The following EXOC4 variants were observed in gnomAD, a reference collection of about 807,000 sequenced individuals.
EXOC4 encodes the protein SEC8-like 1.
A neutral mutation model predicts 107.2 loss-of-function variants in EXOC4; 71 were observed. The ratio of observed to expected loss-of-function variants is 0.66; its 90% confidence interval spans 0.55 to 0.81. The LOEUF is 0.81. Among genes scored for constraint, EXOC4 ranks in the 30% least tolerant of loss-of-function variants. The pLI is 0.00. For synonymous variants in EXOC4, 456 were observed against 441.2 expected, an observed-to-expected ratio of 1.03 and a Z score of -0.42; for missense variants, 1,108 against 1,189.6, an observed-to-expected ratio of 0.93 and a Z score of 1.01.
chr7:133,731,980 A>G (rs957693738), intron 10 of EXOC4, among the ~76,000 whole-genome samples: 2 of 152,206 alleles, frequency 1.3e-5, no homozygotes, highest in African/African-American at 4.8e-5. Context: ...TGTTATAAAG[A>G]TGCATGCATA....
intron 10 of EXOC4, among the ~76,000 whole-genome samples, chr7:133,809,979 C>T (rs916862518): frequency 2.6e-5 from 4 of 152,068 alleles, no homozygotes; most frequent in African/African-American, 7.2e-5. Context: ...ACTCAAGTTG[C>T]GCATTTTTAG....
At chr7:133,585,016 T>C (rs764668045) in intron 9 of EXOC4, among the ~76,000 whole-genome samples, 1 of 152,244 alleles carries the variant, frequency 6.6e-6, no homozygotes, top group Non-Finnish European at 1.5e-5. Context: ...TCTCCCTATC[T>C]AATTTATTTT....
At chr7:133,560,188 C>A (rs1329046892) in intron 9 of EXOC4, among the ~76,000 whole-genome samples, 1 of 152,106 alleles carries the variant, frequency 6.6e-6, no homozygotes, top group East Asian at 1.9e-4. Flanking sequence ...CAGCATGTCA[C>A]GTTCCAGTAT....
chr7:133,429,840 G>T (rs534383985), intron 7 of EXOC4, among the ~76,000 whole-genome samples: 1 of 152,228 alleles, frequency 6.6e-6, no homozygotes, highest in Non-Finnish European at 1.5e-5. Context: ...CCCCTCATGG[G>T]ACTTGTGATG....
At chr7:134,012,276 G>A (rs950126954) in intron 17 of EXOC4, among the ~76,000 whole-genome samples, 1 of 152,216 alleles carries the variant, frequency 6.6e-6, no homozygotes, top group African/African-American at 2.4e-5. Context: ...AAAGGCAGAA[G>A]CAGGAAGCTC....
chr7:133,448,428 G>A (rs1798266833), intron 7 of EXOC4, among the ~76,000 whole-genome samples: 1 of 151,950 alleles, frequency 6.6e-6, no homozygotes, highest in Non-Finnish European at 1.5e-5. Flanking sequence ...TACCTTAGCA[G>A]CTAGGACCAC....
At chr7:133,265,404 TA>T (rs753338512) in intron 1 of EXOC4, among the ~76,000 whole-genome samples, 238 of 143,810 alleles carry the variant, frequency 1.7e-3, no homozygotes, top group Admixed American at 2.0e-3. Context: ...AGACTCTGTC[TA>T]AAAAAAAAAA....
chr7:134,067,149 C>CAAA (rs10597442), downstream of EXOC4, among the ~76,000 whole-genome samples: 43 of 121,948 alleles, frequency 3.5e-4, no homozygotes, highest in African/African-American at 1.1e-3. Flanking sequence ...CACTCTGTCT[C>CAAA]AAAAAAAAAA....
At chr7:133,450,738 C>T (rs1798325211) in intron 7 of EXOC4, among the ~76,000 whole-genome samples, 1 of 152,188 alleles carries the variant, frequency 6.6e-6, no homozygotes, top group Non-Finnish European at 1.5e-5. Flanking sequence ...GTATCACTAT[C>T]TGGCTTCCTG....
the EXOC4 span, among the ~76,000 whole-genome samples, chr7:134,079,355 T>C: frequency 6.6e-6 from 1 of 152,186 alleles, no homozygotes; most frequent in Non-Finnish European, 1.5e-5. Flanking sequence ...TTCTGGGTGC[T>C]TGAGGACCCA....
At chr7:133,446,336 C>CT (rs562178768) in intron 7 of EXOC4, among the ~76,000 whole-genome samples, 1 of 152,118 alleles carries the variant, frequency 6.6e-6, no homozygotes, top group Non-Finnish European at 1.5e-5. Context: ...GAGAGAGATG[C>CT]TTTTTATTTT....
intron 9 of EXOC4, among the ~76,000 whole-genome samples, chr7:133,530,401 T>C (rs1800159532): frequency 6.6e-6 from 1 of 152,158 alleles, no homozygotes; most frequent in Admixed American, 6.5e-5. Context: ...ACTACACACC[T>C]AGGCTACATG....
At chr7:133,411,656 A>G (rs1797358414) in intron 7 of EXOC4, among the ~76,000 whole-genome samples, 1 of 152,140 alleles carries the variant, frequency 6.6e-6, no homozygotes, top group Admixed American at 6.6e-5. Context: ...AGCATCAGCA[A>G]AAGTAGGACA....
chr7:133,785,878 C>T (rs1394972128), intron 10 of EXOC4, among the ~76,000 whole-genome samples: 5 of 152,056 alleles, frequency 3.3e-5, no homozygotes, highest in African/African-American at 9.7e-5. Context: ...TTCACCATAA[C>T]CAGGATGGTC....
intron 11 of EXOC4, among the ~76,000 whole-genome samples, chr7:133,858,585 G>A (rs1195803223): frequency 6.6e-6 from 1 of 152,116 alleles, no homozygotes; most frequent in Non-Finnish European, 1.5e-5. Flanking sequence ...TTCTTGCCTA[G>A]GAATTTGCCT....
intron 9 of EXOC4, among the ~76,000 whole-genome samples, chr7:133,614,998 A>G (rs889839841): frequency 6.6e-6 from 1 of 152,094 alleles, no homozygotes; most frequent in Non-Finnish European, 1.5e-5. Context: ...ACATTAGATA[A>G]TCTGGCAGAA....
intron 5 of EXOC4, among the ~76,000 whole-genome samples, chr7:133,348,953 G>A (rs574473050): frequency 6.6e-6 from 1 of 152,132 alleles, no homozygotes; most frequent in Non-Finnish European, 1.5e-5. Context: ...CACATTGCAA[G>A]TAAAACCAAA....
At chr7:133,809,841 G>C (rs999570622) in intron 10 of EXOC4, among the ~76,000 whole-genome samples, 1 of 152,186 alleles carries the variant, frequency 6.6e-6, no homozygotes, top group Non-Finnish European at 1.5e-5. Context: ...TTCACTGTTT[G>C]TGAAAGAGTC....
chr7:133,999,779 G>A (rs2116300029), intron 15 of EXOC4, among the ~76,000 whole-genome samples: 1 of 152,206 alleles, frequency 6.6e-6, no homozygotes, highest in East Asian at 1.9e-4. Flanking sequence ...TTACTTATGT[G>A]TAGTTAATTC....
Sources: allele counts gnomAD v4.1 joint callset (sites outside exome capture counted in the v4.1 genomes callset), GRCh38; gene constraint gnomAD v4.1.1; transcripts MANE v1.5; gene names NCBI Gene and HGNC (gene_info 2026-07-23, HGNC 2026-07-21).